CAMK1D: variants seen among roughly 807,000 people sequenced by gnomAD.
The protein encoded by CAMK1D is calcium/calmodulin dependent protein kinase ID, also known as calcium/calmodulin-dependent protein kinase type 1D.
CAMK1D carries 9 observed loss-of-function variants against 47.7 expected under a neutral mutation model. The ratio of observed to expected loss-of-function variants is 0.19; its 90% CI spans 0.11 to 0.33. The LOEUF (loss-of-function observed/expected upper bound fraction) is 0.33. Ranked by LOEUF, CAMK1D falls within the 10% of genes least tolerant of loss-of-function variation. CAMK1D has a pLI of 1.00. For missense variants in CAMK1D, 291 were observed against 488.7 expected (o/e 0.60, Z 3.81); for synonymous variants, 184 against 184.9 (o/e 0.99, Z 0.04).
At chr10:12,401,621 G>T (rs1384200507) in intron 1 of CAMK1D, among the ~76,000 whole-genome samples, 2 of 151,640 alleles carry the variant, frequency 1.3e-5, no homozygotes, top group South Asian at 2.1e-4. Context: ...GCCTCAGAAG[G>T]GGGCCGTCAG....
chr10:12,358,163 T>C (rs1229349449), intron 1 of CAMK1D, among the ~76,000 whole-genome samples: 1 of 152,092 alleles, frequency 6.6e-6, no homozygotes, highest in Non-Finnish European at 1.5e-5. Context: ...AGGTTGAGGC[T>C]GCAGTGAGCT....
intron 2 of CAMK1D, among the ~76,000 whole-genome samples, chr10:12,556,546 C>T (rs963501305): frequency 6.6e-5 from 10 of 152,050 alleles, no homozygotes; most frequent in African/African-American, 2.2e-4. Flanking sequence ...GGGTCAGAAA[C>T]GCAGAGGGAC....
intron 1 of CAMK1D, among the ~76,000 whole-genome samples, chr10:12,500,940 C>T (rs1308535594): frequency 6.6e-6 from 1 of 152,234 alleles, no homozygotes; most frequent in East Asian, 1.9e-4. Flanking sequence ...ACAATCACCT[C>T]CTGTGGTTGG....
At chr10:12,687,042 G>C (rs1003018432) in intron 3 of CAMK1D, among the ~76,000 whole-genome samples, 4 of 152,094 alleles carry the variant, frequency 2.6e-5, no homozygotes, top group African/African-American at 9.7e-5. Flanking sequence ...CAATCAGAGC[G>C]TAAAATCTTC....
intron 3 of CAMK1D, among the ~76,000 whole-genome samples, chr10:12,747,989 C>T (rs74819537): frequency 0.017 from 2,579 of 152,272 alleles, 81 homozygotes; most frequent in African/African-American, 0.058. Context: ...AGCAGACACA[C>T]TCATCCAGAA....
chr10:12,729,252 C>A (rs1834785541), intron 3 of CAMK1D, among the ~76,000 whole-genome samples: 1 of 152,168 alleles, frequency 6.6e-6, no homozygotes, highest in Non-Finnish European at 1.5e-5. Context: ...AAGATCTCCA[C>A]CTCCATGGAG....
rs1279511028 is a variant in CAMK1D at position 12,829,494 on chromosome 10, G to C, written c.*607G>C. The C allele has an allele frequency of 2.0e-5, 3 of 152,194 alleles. No homozygotes were observed. The highest frequency in any genetic ancestry group is 7.2e-5 in the African/African-American group (3 of 41,442). 9.4% of individuals were successfully genotyped at this position (152,194 alleles called of 1,614,324 possible). A position where few individuals can be genotyped will look rare whatever the true frequency, so the allele number is the denominator to read the frequency against. ...CATGCCTGTAATCCCAGCACGTTGG[G>C]AGGCCAAGTCGGGCGGATCACAAGG... On this transcript the variant is annotated 3_prime_UTR_variant, in exon 11 of 11. Coordinates refer to ENST00000619168, the MANE Select transcript of CAMK1D (RefSeq NM_153498.4).
intron 1 of CAMK1D, among the ~76,000 whole-genome samples, chr10:12,358,184 C>A (rs566033677): frequency 6.6e-6 from 1 of 152,110 alleles, no homozygotes; most frequent in South Asian, 2.1e-4. Flanking sequence ...ATGATGGTAC[C>A]ACTACACCCC....
chr10:12,688,713 T>G (rs1832752438), intron 3 of CAMK1D, among the ~76,000 whole-genome samples: 2 of 152,184 alleles, frequency 1.3e-5, no homozygotes, highest in African/African-American at 4.8e-5. Context: ...TGACAGAGTT[T>G]CGCTCTTGTC....
chr10:12,630,405 C>T, intron 2 of CAMK1D, among the ~76,000 whole-genome samples: 2 of 139,490 alleles, frequency 1.4e-5, no homozygotes, highest in Non-Finnish European at 1.5e-5. Flanking sequence ...AAGACAGGAT[C>T]TCACTCAGTA....
chr10:12,438,268 T>C (rs1000764325), intron 1 of CAMK1D, among the ~76,000 whole-genome samples: 14 of 152,176 alleles, frequency 9.2e-5, no homozygotes, highest in African/African-American at 2.9e-4. Flanking sequence ...TTTCCTTTTG[T>C]TTTTGGCTGC....
intron 2 of CAMK1D, among the ~76,000 whole-genome samples, chr10:12,653,759 C>T (rs1378072442): frequency 6.6e-6 from 1 of 152,230 alleles, no homozygotes; most frequent in Non-Finnish European, 1.5e-5. Context: ...TTTTCTTTTA[C>T]AATTGGCTTC....
At chr10:12,445,033 G>T (rs1344640541) in intron 1 of CAMK1D, among the ~76,000 whole-genome samples, 6 of 152,212 alleles carry the variant, frequency 3.9e-5, no homozygotes, top group Non-Finnish European at 7.3e-5. Flanking sequence ...AAACTACTTT[G>T]ATTTCTTTCA....
chr10:12,738,065 C>A (rs1835262305), intron 3 of CAMK1D, among the ~76,000 whole-genome samples: 4 of 152,060 alleles, frequency 2.6e-5, no homozygotes. Flanking sequence ...TTCCTCAAGA[C>A]AATAAATAGT....
intron 1 of CAMK1D, among the ~76,000 whole-genome samples, chr10:12,401,593 G>A (rs1588445383): frequency 6.6e-6 from 1 of 151,466 alleles, no homozygotes; most frequent in East Asian, 2.0e-4. Flanking sequence ...CTGGCAGATA[G>A]GGAGGCTCCC....
intron 8 of CAMK1D, among the ~76,000 whole-genome samples, chr10:12,822,987 T>G (rs1385644844): frequency 6.6e-6 from 1 of 152,058 alleles, no homozygotes; most frequent in Non-Finnish European, 1.5e-5. Context: ...GAAAAGGTGG[T>G]GGGGGAGAGT....
intron 1 of CAMK1D, among the ~76,000 whole-genome samples, chr10:12,522,216 T>A (rs866209909): frequency 2.3e-5 from 3 of 129,992 alleles, no homozygotes; most frequent in South Asian, 2.6e-4. Context: ...TTTTTTTTTT[T>A]ATTGATCATT....
At chr10:12,367,386 T>C (rs1257779492) in intron 1 of CAMK1D, among the ~76,000 whole-genome samples, 2 of 152,092 alleles carry the variant, frequency 1.3e-5, no homozygotes, top group Middle Eastern at 3.2e-3. Context: ...AATTTTTCCA[T>C]GGACGAGGGG....
intron 1 of CAMK1D, among the ~76,000 whole-genome samples, chr10:12,493,028 A>G (rs1834433092): frequency 6.6e-6 from 1 of 152,142 alleles, no homozygotes; most frequent in Non-Finnish European, 1.5e-5. Flanking sequence ...ACTTTTATTC[A>G]TGGATGAAAC....
Sources: gnomAD v4.1 joint callset for allele counts (sites outside exome capture counted in the v4.1 genomes callset) on GRCh38, gnomAD v4.1.1 for gene constraint, MANE v1.5 for transcripts, NCBI Gene and HGNC (gene_info 2026-07-23, HGNC 2026-07-21) for gene names.